Variants in ZC3H18 observed in about 807,000 individuals in gnomAD.
The protein encoded by ZC3H18 is zinc finger CCCH domain-containing protein 18.
Under a neutral mutation model 106.1 loss-of-function variants are expected in ZC3H18, and 8 were observed. The ratio of observed to expected loss-of-function variants is 0.08; its 90% CI spans 0.04 to 0.14. ZC3H18 has a LOEUF of 0.14. Among genes scored for constraint, ZC3H18 ranks in the 10% least tolerant of loss-of-function variants. The pLI, the probability that ZC3H18 is intolerant of heterozygous loss-of-function variation, is 1.00. For synonymous variants in ZC3H18, 635 were observed against 522.1 expected (o/e 1.22, Z -2.95); for missense variants, 1,318 against 1,278.4 (o/e 1.03, Z -0.47).
chr16:88,579,154 T>G (rs1220221928), intron 2 of ZC3H18, among the ~76,000 whole-genome samples: 1 of 152,190 alleles, frequency 6.6e-6, no homozygotes, highest in Admixed American at 6.5e-5. Context: ...AAGCTGAGAA[T>G]TTTAGATGTT....
chr16:88,613,560 G>C (rs1453979338), intron 8 of ZC3H18, among the ~76,000 whole-genome samples: 3 of 152,168 alleles, frequency 2.0e-5, no homozygotes, highest in African/African-American at 7.2e-5. Flanking sequence ...ACGTCTCCCT[G>C]CCGTTGCGAT....
chr16:88,615,489 C>T (rs1347297652), intron 8 of ZC3H18, among the ~76,000 whole-genome samples: 1 of 152,124 alleles, frequency 6.6e-6, no homozygotes. Flanking sequence ...GGGTGCTGTC[C>T]GTGAGTTTTG....
In ZC3H18 at chr16:88,619,926, A is replaced by T. The variant is rs138335558; in HGVS notation, c.1476-2271A>T. On this transcript the variant is annotated intron_variant, in intron 8 of 17. Transcript: ENST00000301011. Reference sequence around the variant, plus strand: ...AAGTAGCTCTCTAGTAGCCTGTGACAGGGAGGATCATCAGACAGGTGTTTA... The same window carrying T: ...AAGTAGCTCTCTAGTAGCCTGTGACTGGGAGGATCATCAGACAGGTGTTTA... Among the ~76,000 whole-genome samples, 145 of 152,330 alleles carry T rather than the reference A, an allele frequency of 9.5e-4. 1 individual carries two copies. The highest frequency in any genetic ancestry group is 3.4e-3 in the African/African-American group (140 of 41,574).
At chr16:88,582,616 A>T (rs986517252) in intron 2 of ZC3H18, among the ~76,000 whole-genome samples, 5 of 152,194 alleles carry the variant, frequency 3.3e-5, no homozygotes, top group African/African-American at 7.2e-5. Context: ...CCCAGGAAGC[A>T]GCGGCCTGTA....
intron 3 of ZC3H18, among the ~76,000 whole-genome samples, chr16:88,588,158 C>G (rs1915544873): frequency 6.6e-6 from 1 of 152,226 alleles, no homozygotes; most frequent in Admixed American, 6.5e-5. Context: ...GGAATTTAAG[C>G]AGAAGACCTC....
intron 2 of ZC3H18, among the ~76,000 whole-genome samples, chr16:88,580,156 CTGTGTGTGTGTGTGTGTG>C (rs56406234): frequency 1.4e-4 from 18 of 126,962 alleles, no homozygotes; most frequent in South Asian, 1.4e-3. Flanking sequence ...ACAGGTTCAT[CTGTGTGTGTGTGTGTGTG>C]TGTGTGTGTG....
chr16:88,606,057 G>C (rs531054785), intron 6 of ZC3H18, among the ~76,000 whole-genome samples: 1 of 152,200 alleles, frequency 6.6e-6, no homozygotes, highest in African/African-American at 2.4e-5. Context: ...AACGAGGTGC[G>C]AGCCTCCCAG....
chr16:88,577,600 C>T lies in ZC3H18; in HGVS notation c.477C>T (p.Gly159=), dbSNP rs772023962. 1.4e-5 allele frequency: 22 copies of T among 1,613,492 alleles called. No individual in the cohort carries two copies. Among genetic ancestry groups the T allele is most frequent in the East Asian group, 8.9e-5 (4 of 44,882 alleles). Residue 159 remains glycine (G), a synonymous_variant, in exon 2 of 18, where the codon GGC becomes GGT. Transcript: ENST00000301011. ...GGGCTGAGGATGATGAGGAGAAAGGCGAAGGCACTCCCAGGGAGGAGGGGA... is the reference window on the plus strand; with the variant it reads ...GGGCTGAGGATGATGAGGAGAAAGGTGAAGGCACTCCCAGGGAGGAGGGGA... ...KAGAEDDEEK[G]EGTPREEGKA... is the part of the protein sequence containing the mutation.
Position 88,631,501 on chromosome 16 carries a change from G to A in ZC3H18, c.*202G>A, listed in dbSNP as rs546801121. ...CCTCCCTCCCCAGAGCAGAAGTCCCGCAGGACAGACAGACACAGACAGCGC... is the reference window on the plus strand; with the variant it reads ...CCTCCCTCCCCAGAGCAGAAGTCCCACAGGACAGACAGACACAGACAGCGC... On this transcript the variant is annotated 3_prime_UTR_variant, in exon 18 of 18. Coordinates refer to ENST00000301011, the MANE Select transcript of ZC3H18 (RefSeq NM_144604.4). 3.6e-5 allele frequency: 26 copies of A among 727,352 alleles called. No homozygotes were observed. Among genetic ancestry groups the A allele is most frequent in the Non-Finnish European group, 4.9e-5 (21 of 426,962 alleles). The allele number at this position is 727,352 out of a possible 1,614,324, so 45.1% of individuals were successfully genotyped here.
At chr16:88,600,636 C>G (rs997161593) in intron 6 of ZC3H18, among the ~76,000 whole-genome samples, 1 of 152,214 alleles carries the variant, frequency 6.6e-6, no homozygotes, top group African/African-American at 2.4e-5. Context: ...TGGTCTCGAA[C>G]TCCTGACCTC....
At chr16:88,606,488 G>A (rs1391608748) in intron 6 of ZC3H18, among the ~76,000 whole-genome samples, 2 of 152,160 alleles carry the variant, frequency 1.3e-5, no homozygotes, top group Admixed American at 6.5e-5. Flanking sequence ...CAAATTTGCC[G>A]GCACAGTCCT....
chr16:88,624,167 G>A (rs1380523645), intron 11 of ZC3H18, 105 bp downstream of exon 11: 13 of 1,493,040 alleles, frequency 8.7e-6, no homozygotes, highest in East Asian at 2.3e-5. Context: ...CCAAAGAGGT[G>A]AGGATGCCTC....
intron 3 of ZC3H18, chr16:88,587,674 A>G: frequency 7.0e-7 from 1 of 1,433,140 alleles, no homozygotes; most frequent in Non-Finnish European, 9.5e-7. Context: ...TCCAGAGGCC[A>G]GACTTCCTTC....
intron 6 of ZC3H18, 75 bp downstream of exon 6, chr16:88,600,023 A>C: frequency 6.5e-7 from 1 of 1,549,074 alleles, no homozygotes; most frequent in South Asian, 1.2e-5. Context: ...AGCCATGTGC[A>C]GGGCCCCAGG....
intron 1 of ZC3H18, chr16:88,571,580 T>G (rs1914409695): frequency 1.0e-6 from 1 of 982,580 alleles, no homozygotes. Context: ...CAGTCAAATG[T>G]GTCCCAAAGC....
rs868224584 is a variant in ZC3H18 at position 88,624,621 on chromosome 16, C to T, written c.1918C>T (p.Pro640Ser). 2.5e-6 allele frequency: 4 copies of T among 1,613,810 alleles called. No individual in the cohort carries two copies. The highest frequency in any genetic ancestry group is 3.4e-6 in the Non-Finnish European group (4 of 1,179,984). Residue 640 changes from proline to serine, a missense_variant, in exon 12 of 18, where the codon CCG becomes TCG. Physicochemically the swap from Pro to Ser is moderately conservative, Grantham distance 74. This residue lies in a region of ZC3H18 where 848 missense variants were observed against 821.7 expected (regional missense o/e 1.03). Coordinates refer to ENST00000301011, the MANE Select transcript of ZC3H18 (RefSeq NM_144604.4). The stretch of plus-strand genomic sequence containing the variant: ...TCACAGAGAGAAGTCAGTGAAGAAG[C>T]CGGCCCCGCCTCCAGCCCCACCACA... ...GKAGEKSVKK[P>S]APPPAPPQAT...
intron 3 of ZC3H18, among the ~76,000 whole-genome samples, chr16:88,595,311 C>A (rs1051700282): frequency 1.3e-5 from 2 of 152,246 alleles, no homozygotes; most frequent in Non-Finnish European, 2.9e-5. Context: ...TCTGTCCCTC[C>A]TTGTCCTCTT....
chr16:88,628,572 GCA>G, intron 15 of ZC3H18, 184 bp from the exon 16 acceptor site: 1 of 619,860 alleles, frequency 1.6e-6, no homozygotes, highest in South Asian at 1.9e-5. Context: ...GGCCCCAAGT[GCA>G]CAGTGGGGGT....
At position 88,627,576 on chromosome 16, in the gene ZC3H18, C is replaced by G. The variant is rs767412486; in HGVS notation, c.2109-46C>G. 1 of 1,560,824 alleles carries G rather than the reference C, an allele frequency of 6.4e-7. No individual in the cohort carries two copies. Among genetic ancestry groups the G allele is most frequent in the Non-Finnish European group, 8.7e-7 (1 of 1,148,102 alleles). ...CATGGAGCACCCCCTGCTGGCCCCT[C>G]CCTCCAGTCTGGCTGGGGTGTGGTG... On this transcript the variant is annotated intron_variant, in intron 13 of 17. Coordinates refer to ENST00000301011, the MANE Select transcript of ZC3H18 (RefSeq NM_144604.4). This position sits in a 1 kb window ranked among gnomAD's most constrained non-coding sequence, Gnocchi z 4.5.
Sources: gnomAD v4.1 joint callset for allele counts (sites outside exome capture counted in the v4.1 genomes callset) on GRCh38, gnomAD v4.1.1 for gene constraint, gnomAD v4.1.1 regional missense constraint, Gnocchi (gnomAD v3.1) non-coding constraint, MANE v1.5 for transcripts, NCBI Gene and HGNC (gene_info 2026-07-23, HGNC 2026-07-21) for gene names.